TFB1M: variants seen among roughly 807,000 people sequenced by gnomAD.
The protein encoded by TFB1M is dimethyladenosine transferase 1, mitochondrial.
TFB1M carries 27 observed loss-of-function variants against 31.1 expected under a neutral mutation model. That is an observed-to-expected ratio of 0.87 (90% CI 0.64 to 1.20). The LOEUF (loss-of-function observed/expected upper bound fraction) is 1.20. Among genes scored for constraint, TFB1M ranks in the 50% most tolerant of loss-of-function variants. The probability of loss-of-function intolerance (pLI) is 0.00; values close to 1 mark genes in which losing one functional copy is unlikely to be tolerated. For synonymous variants in TFB1M, 166 were observed against 151.8 expected, an observed-to-expected ratio of 1.09 and a Z score of -0.69; for missense variants, 394 against 418.7, an observed-to-expected ratio of 0.94 and a Z score of 0.51.
intron 2 of TFB1M, among the ~76,000 whole-genome samples, chr6:155,307,037 C>G (rs946444829): frequency 6.6e-6 from 1 of 152,000 alleles, no homozygotes; most frequent in Non-Finnish European, 1.5e-5. Flanking sequence ...GGGAGGATTG[C>G]TTGAGCCCAG....
intron 4 of TFB1M, among the ~76,000 whole-genome samples, chr6:155,288,365 A>C (rs1395585231): frequency 6.6e-6 from 1 of 152,246 alleles, no homozygotes; most frequent in Admixed American, 6.5e-5. Flanking sequence ...TGTAAAACCA[A>C]GACACATATA....
intron 2 of TFB1M, among the ~76,000 whole-genome samples, chr6:155,306,170 G>C (rs1777752947): frequency 6.6e-6 from 1 of 152,114 alleles, no homozygotes; most frequent in African/African-American, 2.4e-5. Context: ...TATTCACTAG[G>C]ATGGCTAAAA....
intron 2 of TFB1M, among the ~76,000 whole-genome samples, chr6:155,306,365 C>G (rs1020604284): frequency 2.6e-5 from 4 of 152,166 alleles, no homozygotes; most frequent in African/African-American, 9.7e-5. Context: ...TATTCTACTC[C>G]TAGGTCTTTA....
intron 4 of TFB1M, among the ~76,000 whole-genome samples, chr6:155,294,605 C>T (rs951151364): frequency 4.6e-5 from 7 of 152,190 alleles, no homozygotes; most frequent in Admixed American, 1.3e-4. Context: ...AAAGAAAACA[C>T]AATGACATTC....
intron 5 of TFB1M, chr6:155,276,236 CTGT>C (rs1396503332): frequency 8.7e-6 from 14 of 1,614,092 alleles, no homozygotes; most frequent in Non-Finnish European, 1.2e-5. Flanking sequence ...TTCTGCAATG[CTGT>C]TGTTTATCTC....
intron 5 of TFB1M, chr6:155,275,636 A>T: frequency 7.5e-7 from 1 of 1,342,034 alleles, no homozygotes; most frequent in Non-Finnish European, 1.0e-6. Context: ...TTGGTTCTCT[A>T]CTGCACAGAA....
intron 1 of TFB1M, among the ~76,000 whole-genome samples, chr6:155,312,235 G>A (rs1188418705): frequency 6.6e-6 from 1 of 152,180 alleles, no homozygotes; most frequent in Non-Finnish European, 1.5e-5. Context: ...CAGCTAAAAT[G>A]CGGAAACTAG....
chr6:155,296,842 T>C lies in TFB1M; in HGVS notation c.546+111A>G, dbSNP rs187403234. On this transcript the variant is annotated intron_variant, in intron 4 of 6. Transcript: ENST00000367166. ...TGAGCTGCTGCTGGGTTCTTGTGTG[T>C]GTAATAAGATATTAACTTAGAAAAC... 1.2e-4 allele frequency: 126 copies of C among 1,044,234 alleles called. No individual in the cohort carries two copies. The African/African-American group carries it at 1.5e-3, about 12-fold the overall frequency. The allele number at this position is 1,044,234 out of a possible 1,614,324, so 64.7% of individuals were successfully genotyped here. A position where few individuals can be genotyped will look rare whatever the true frequency, so the allele number is the denominator to read the frequency against.
the TFB1M span, among the ~76,000 whole-genome samples, chr6:155,240,046 C>A: frequency 6.6e-6 from 1 of 152,226 alleles, no homozygotes; most frequent in African/African-American, 2.4e-5. Context: ...GTGGCCAGGT[C>A]GTCCTGTAAT....
chr6:155,236,524 G>A, the TFB1M span, among the ~76,000 whole-genome samples: 2 of 152,046 alleles, frequency 1.3e-5, no homozygotes, highest in East Asian at 1.9e-4. Context: ...TTAGCCAGGT[G>A]TGGTGGTGGG....
chr6:155,313,542 A>G (rs771609311), intron 1 of TFB1M, among the ~76,000 whole-genome samples: 40 of 152,298 alleles, frequency 2.6e-4, no homozygotes, highest in Non-Finnish European at 4.9e-4. Flanking sequence ...ATAGAACATC[A>G]CTAAGCAATG....
At chr6:155,235,490 G>A in the TFB1M span, among the ~76,000 whole-genome samples, 1 of 152,164 alleles carries the variant, frequency 6.6e-6, no homozygotes, top group Non-Finnish European at 1.5e-5. Flanking sequence ...TGCTGATCAG[G>A]TTCACCCAGA....
intron 4 of TFB1M, among the ~76,000 whole-genome samples, chr6:155,285,762 T>C (rs1010715991): frequency 6.6e-6 from 1 of 152,212 alleles, no homozygotes; most frequent in Admixed American, 6.5e-5. Flanking sequence ...CCTTGGGAAA[T>C]TGGCTGTTCT....
the TFB1M span, chr6:155,250,885 T>G: frequency 6.9e-6 from 11 of 1,605,680 alleles, no homozygotes; most frequent in South Asian, 1.2e-4. Context: ...TTTCCGTATC[T>G]TCCTTACCTC....
chr6:155,249,352 C>A, the TFB1M span, among the ~76,000 whole-genome samples: 1 of 152,178 alleles, frequency 6.6e-6, no homozygotes, highest in African/African-American at 2.4e-5. Flanking sequence ...ATCCGGGTTC[C>A]CAGAAGGGCA....
the TFB1M span, among the ~76,000 whole-genome samples, chr6:155,243,846 C>CAAAAAAAAAAAAAAAAAAA: frequency 7.3e-5 from 4 of 55,050 alleles, no homozygotes; most frequent in African/African-American, 3.2e-4. Flanking sequence ...GACTCCGTCT[C>CAAAAAAAAAAAAAAAAAAA]AAAAAAAAAA....
intron 4 of TFB1M, among the ~76,000 whole-genome samples, chr6:155,293,181 A>G (rs1317395968): frequency 1.3e-5 from 2 of 152,200 alleles, no homozygotes; most frequent in African/African-American, 4.8e-5. Flanking sequence ...ATACATAGAA[A>G]AATGCCAAGG....
At chr6:155,236,109 G>A in the TFB1M span, among the ~76,000 whole-genome samples, 10 of 152,006 alleles carry the variant, frequency 6.6e-5, no homozygotes, top group African/African-American at 9.7e-5. Context: ...CTTGGAGTCC[G>A]AGTATTATCA....
downstream of TFB1M, chr6:155,252,830 C>G (rs1381297213): frequency 1.2e-6 from 1 of 853,690 alleles, no homozygotes; most frequent in South Asian, 1.6e-5. Context: ...CCTGAACACC[C>G]ACATGGCTGC....
Sources: allele counts gnomAD v4.1 joint callset (sites outside exome capture counted in the v4.1 genomes callset), GRCh38; gene constraint gnomAD v4.1.1; transcripts MANE v1.5; gene names NCBI Gene and HGNC (gene_info 2026-07-23, HGNC 2026-07-21).